Variants in TEX15 observed in about 807,000 individuals in gnomAD.
The protein encoded by TEX15 is testis expressed 15, meiosis and synapsis associated, also known as testis-expressed protein 15.
TEX15 carries 171 observed loss-of-function variants against 237.3 expected under a neutral mutation model. The ratio of observed to expected loss-of-function variants is 0.72; its 90% CI spans 0.64 to 0.82. The LOEUF (loss-of-function observed/expected upper bound fraction) is 0.82. Among genes scored for constraint, TEX15 ranks in the 40% least tolerant of loss-of-function variants. TEX15 has a pLI of 0.00. For missense variants in TEX15, 3,750 were observed against 3,646.5 expected, an observed-to-expected ratio of 1.03 and a Z score of -0.73; for synonymous variants, 1,338 against 1,269.8, an observed-to-expected ratio of 1.05 and a Z score of -1.14.
intron 9 of TEX15, among the ~76,000 whole-genome samples, chr8:30,839,452 A>G (rs1236038626): frequency 6.6e-6 from 1 of 152,104 alleles, no homozygotes; most frequent in Non-Finnish European, 1.5e-5. Context: ...TAATCTTATC[A>G]CTTGTCCTAT....
chr8:30,890,073 TC>T (rs1808766317), intron 2 of TEX15, among the ~76,000 whole-genome samples: 1 of 150,162 alleles, frequency 6.7e-6, no homozygotes, highest in Non-Finnish European at 1.5e-5. Flanking sequence ...TCTAAAACAT[TC>T]AGAAATAATG....
rs1194471131 is a variant in TEX15 at position 30,832,326 on chromosome 8, A to T, written c.*960T>A. 6.6e-6 allele frequency: 1 copy of T among 152,232 alleles called. No homozygotes were observed. The highest frequency in any genetic ancestry group is 2.4e-5 in the African/African-American group (1 of 41,468). 9.4% of individuals were successfully genotyped at this position (152,232 alleles called of 1,614,324 possible). A position where few individuals can be genotyped will look rare whatever the true frequency, so the allele number is the denominator to read the frequency against. On this transcript the variant is annotated 3_prime_UTR_variant, in exon 11 of 11. Coordinates refer to ENST00000643185, the MANE Select transcript of TEX15 (RefSeq NM_001350162.2). The stretch of plus-strand genomic sequence containing the variant: ...TGTCACATTTTAGGGCTAACCCTTG[A>T]GAAAGGTCTATCCAGTTGTGAGGGC...
chr8:30,875,622 G>A (rs1808383931), intron 3 of TEX15, among the ~76,000 whole-genome samples: 2 of 152,184 alleles, frequency 1.3e-5, no homozygotes, highest in South Asian at 2.1e-4. Context: ...GTAAATAGAT[G>A]CATAAAAGGA....
At chr8:30,892,293 A>T (rs962937336) in intron 2 of TEX15, among the ~76,000 whole-genome samples, 1 of 151,788 alleles carries the variant, frequency 6.6e-6, no homozygotes, top group Non-Finnish European at 1.5e-5. Context: ...ACATAAACCC[A>T]TTTTCCACAT....
Position 30,849,056 on chromosome 8 carries a change from T to C in TEX15, c.1111A>G (p.Thr371Ala). 6 of 1,614,052 alleles carry C rather than the reference T, an allele frequency of 3.7e-6. No individual in the cohort carries two copies. Among genetic ancestry groups the C allele is most frequent in the Non-Finnish European group, 4.2e-6 (5 of 1,179,998 alleles). The change falls in exon 8 of 11, where the codon ACT becomes GCT. Residue 371 changes from threonine to alanine, a missense_variant. By Grantham distance (58) the Thr-to-Ala change is moderately conservative (BLOSUM62 0). Transcript: ENST00000643185. ...GAATCATGTGCAAGTACTTGAGAAG[T>C]GTCTCTAATTTCTGCTAAACTGTGC... ...TEHSLAEIRD[T>A]SQVLAHDSDI...
At chr8:30,911,692 T>A (rs1395701502) in intron 1 of TEX15, among the ~76,000 whole-genome samples, 1 of 152,124 alleles carries the variant, frequency 6.6e-6, no homozygotes, top group Non-Finnish European at 1.5e-5. Flanking sequence ...AGTCTCCGAG[T>A]TGCCAGCGAC....
chr8:30,848,363 C>A lies in TEX15; in HGVS notation c.1804G>T (p.Val602Phe). The change falls in exon 8 of 11, where the codon GTT (valine) becomes TTT (phenylalanine). Residue 602 changes from valine (V) to phenylalanine (F), a missense_variant. Physicochemically the swap from Val to Phe is conservative, Grantham distance 50 (BLOSUM62 -1). Transcript: ENST00000643185. ...IYQTGCQTST[V>F]FPLKKKVSID... ...CTTACTTTCTTTTTGAGTGGAAAAA[C>A]TGTAGACGTTTGGCAACCAGTCTGA... 6.2e-7 allele frequency: 1 copy of A among 1,614,096 alleles called. No homozygotes were observed. The highest frequency in any genetic ancestry group is 1.1e-5 in the South Asian group (1 of 91,072).
rs1554502343 is a variant in TEX15 at position 30,889,954 on chromosome 8, C to CACATATATATATATACATAT, written c.-9-2644_-9-2643insATATGTATATATATATATGT. Among the ~76,000 whole-genome samples the CACATATATATATATACATAT allele has an allele frequency of 1.0e-4, 11 of 110,086 alleles. 1 individual carries two copies. The highest frequency in any genetic ancestry group is 3.6e-4 in the African/African-American group (8 of 22,374). 72.2% of individuals were successfully genotyped at this position (110,086 alleles called of 152,430 possible). A position where few individuals can be genotyped will look rare whatever the true frequency, so the allele number is the denominator to read the frequency against. On this transcript the variant is annotated intron_variant, in intron 2 of 10. Transcript: ENST00000643185. ...ATATACATATATATATATATATATA[C>CACATATATATATATACATAT]ATATATATATATATGTATAAGTAAA...
intron 5 of TEX15, among the ~76,000 whole-genome samples, chr8:30,860,563 C>CT (rs35815726): frequency 0.19 from 23,796 of 126,994 alleles, 3,010 homozygotes; most frequent in East Asian, 0.3. Context: ...AGAGAATCTA[C>CT]TTTTTTTTTT....
intron 6 of TEX15, 125 bp downstream of exon 6, chr8:30,859,786 G>T: frequency 2.8e-6 from 2 of 715,682 alleles, no homozygotes; most frequent in Non-Finnish European, 3.9e-6. Flanking sequence ...AGCTTTCACT[G>T]TTTGCTTAAG....
chr8:30,853,661 A>G (rs1054159873), intron 7 of TEX15, among the ~76,000 whole-genome samples: 1 of 152,186 alleles, frequency 6.6e-6, no homozygotes, highest in African/African-American at 2.4e-5. Context: ...TTTGGTATTC[A>G]TGGAACATCC....
chr8:30,842,350 A>G lies in TEX15; in HGVS notation c.7817T>C (p.Leu2606Ser). Residue 2606 changes from leucine (L) to serine (S), a missense_variant, in exon 8 of 11, where the codon TTA (leucine) becomes TCA (serine). Physicochemically the swap from Leu to Ser is moderately radical, Grantham distance 145 (BLOSUM62 -2). Coordinates refer to ENST00000643185, the MANE Select transcript of TEX15 (RefSeq NM_001350162.2). ...KNVMSAPRKDLGKMAHIRKVM... is the reference protein window; with the variant it reads ...KNVMSAPRKDSGKMAHIRKVM... Reference sequence around the variant, plus strand: ...TTTCCTAATGTGGGCCATTTTTCCTAAATCTTTCCTAGGGGCAGACATTAC... The same window carrying G: ...TTTCCTAATGTGGGCCATTTTTCCTGAATCTTTCCTAGGGGCAGACATTAC... 1.9e-6 allele frequency: 3 copies of G among 1,613,830 alleles called. No individual in the cohort carries two copies. Among genetic ancestry groups the G allele is most frequent in the Non-Finnish European group, 2.5e-6 (3 of 1,179,860 alleles).
At chr8:30,855,143 A>G (rs1010475270) in intron 7 of TEX15, among the ~76,000 whole-genome samples, 2 of 152,156 alleles carry the variant, frequency 1.3e-5, no homozygotes, top group African/African-American at 4.8e-5. Context: ...CTGGAAAGAA[A>G]AAAGTAAAAT....
chr8:30,892,671 G>C (rs967110673), intron 2 of TEX15, among the ~76,000 whole-genome samples: 7 of 151,918 alleles, frequency 4.6e-5, no homozygotes, highest in Non-Finnish European at 1.0e-4. Flanking sequence ...TTTATTCTAA[G>C]GTACTTTATA....
chr8:30,858,937 T>C (rs1269503369), intron 6 of TEX15, 107 bp from the exon 7 acceptor site: 2 of 699,092 alleles, frequency 2.9e-6, no homozygotes, highest in South Asian at 6.5e-5. Flanking sequence ...TATACTTCCA[T>C]ATAAACTTCT....
intron 3 of TEX15, among the ~76,000 whole-genome samples, chr8:30,876,457 T>C (rs1808401946): frequency 6.6e-6 from 1 of 152,204 alleles, no homozygotes; most frequent in Admixed American, 6.5e-5. Flanking sequence ...CTATGTTTTT[T>C]TAATTAGCCA....
chr8:30,842,961 T>C lies in TEX15; in HGVS notation c.7206A>G (p.Lys2402=). The change falls in exon 8 of 11, where the codon AAA becomes AAG. Residue 2402 remains lysine, a synonymous_variant. Coordinates refer to ENST00000643185, the MANE Select transcript of TEX15 (RefSeq NM_001350162.2). ...TATCTTGTAGCATCTGAAAGTATTT[T>C]TTTAAAATTTCTAAGTGATCTGTAC... The part of the protein sequence containing the change: ...LRCTDHLEIL[K]KYFQMLQDNN... The C allele has an allele frequency of 6.2e-7, 1 of 1,610,982 alleles. No individual in the cohort carries two copies. Among genetic ancestry groups the C allele is most frequent in the Non-Finnish European group, 8.5e-7 (1 of 1,179,078 alleles).
At chr8:30,896,197 A>T (rs1347462996) in intron 2 of TEX15, among the ~76,000 whole-genome samples, 3 of 152,164 alleles carry the variant, frequency 2.0e-5, no homozygotes, top group African/African-American at 7.2e-5. Context: ...AGAAGTTATT[A>T]AAAAAAGTGT....
Position 30,845,901 on chromosome 8 carries a change from A to AT in TEX15, c.4265dup (p.Asn1422LysfsTer7). ...CTTGAAGGTCACAACTTTCCCAGAAATTATTGCATATTATTGCATATGATT... is the reference window on the plus strand; with the variant it reads ...CTTGAAGGTCACAACTTTCCCAGAAATTTATTGCATATTATTGCATATGATT... On this transcript the variant is annotated frameshift_variant, in exon 8 of 11. Transcript: ENST00000643185. LOFTEE classifies it high-confidence loss of function. The AT allele has an allele frequency of 6.2e-7, 1 of 1,613,242 alleles. No homozygotes were observed. Among genetic ancestry groups the AT allele is most frequent in the Non-Finnish European group, 8.5e-7 (1 of 1,179,566 alleles).
Sources: allele counts gnomAD v4.1 joint callset (sites outside exome capture counted in the v4.1 genomes callset), GRCh38; gene constraint gnomAD v4.1.1; transcripts MANE v1.5; gene names NCBI Gene and HGNC (gene_info 2026-07-23, HGNC 2026-07-21).